ARRDC4: variants seen among roughly 807,000 people sequenced by gnomAD.
ARRDC4 encodes the protein arrestin domain containing 4.
A neutral mutation model predicts 44.6 loss-of-function variants in ARRDC4; 40 were observed. That is an observed-to-expected ratio of 0.90 (90% confidence interval 0.70 to 1.17). ARRDC4 has a LOEUF of 1.17. Among genes scored for constraint, ARRDC4 ranks in the 50% most tolerant of loss-of-function variants. The pLI is 0.00. For missense variants in ARRDC4, 550 were observed against 559.1 expected, an observed-to-expected ratio of 0.98 and a Z score of 0.16; for synonymous variants, 211 against 221.2, an observed-to-expected ratio of 0.95 and a Z score of 0.41.
chr15:97,963,962 G>C (rs535023544), intron 1 of ARRDC4, among the ~76,000 whole-genome samples: 1 of 152,054 alleles, frequency 6.6e-6, no homozygotes, highest in Non-Finnish European at 1.5e-5. Context: ...CTGAGCACAC[G>C]TCAGCCACTG....
rs779942864 is a variant in ARRDC4, at chr15:97,970,777, G to A, written c.1200+34G>A. On this transcript the variant is annotated intron_variant, in intron 7 of 7. Transcript: ENST00000268042. This position sits in a 1 kb window ranked among gnomAD's most constrained non-coding sequence, Gnocchi z 4.2. ...AGCAAAAGAAAATTAGACTTTTACT[G>A]TATTATTTTCAAATAATCATTTTTT... 9.4e-6 allele frequency: 15 copies of A among 1,587,816 alleles called. No individual in the cohort carries two copies. Among genetic ancestry groups the A allele is most frequent in the Non-Finnish European group, 1.2e-5 (14 of 1,163,414 alleles).
rs747483643 is a variant in ARRDC4 at position 97,965,752 on chromosome 15, C to G, written c.374+86C>G. 84 of 1,487,610 alleles carry G rather than the reference C, an allele frequency of 5.6e-5. No homozygotes were observed. The highest frequency in any genetic ancestry group is 5.6e-5 in the Non-Finnish European group (60 of 1,066,504). 92.2% of individuals were successfully genotyped at this position (1,487,610 alleles called of 1,614,324 possible). ...TCACTGCTAGGTCTCTTCTGATTCT[C>G]AAGTATGCATGTTTACACTGAATAG... On this transcript the variant is annotated intron_variant, in intron 2 of 7. Coordinates refer to ENST00000268042, the MANE Select transcript of ARRDC4 (RefSeq NM_183376.3). This position sits in a 1 kb window ranked among gnomAD's most constrained non-coding sequence, Gnocchi z 5.1.
At chr15:97,969,071 G>T in intron 4 of ARRDC4, 52 bp from the exon 5 acceptor site, 1 of 1,585,948 alleles carries the variant, frequency 6.3e-7, no homozygotes, top group South Asian at 1.1e-5. Flanking sequence ...CCATTGTGGT[G>T]AGAACTTTTT....
At position 97,965,416 on chromosome 15, in the gene ARRDC4, AAC is replaced by A. The variant is rs1899398109; in HGVS notation, c.308-180_308-179del. Among the ~76,000 whole-genome samples, 1 of 150,890 alleles carries A rather than the reference AAC, an allele frequency of 6.6e-6. No homozygotes were observed. Among genetic ancestry groups the A allele is most frequent in the South Asian group, 2.1e-4 (1 of 4,770 alleles). On this transcript the variant is annotated intron_variant, in intron 1 of 7. Coordinates refer to ENST00000268042, the MANE Select transcript of ARRDC4 (RefSeq NM_183376.3). The surrounding 1 kb of genome is among the most constrained non-coding windows in gnomAD (Gnocchi z 5.1). ...CAATAGAGCGAGACCCTGTCTCTAA[AAC>A]ACATAGACACACGCACACACACCCC...
chr15:97,969,203 C>T lies in ARRDC4; in HGVS notation c.706C>T (p.Gln236Ter). 6.2e-7 allele frequency: 1 copy of T among 1,613,860 alleles called. No individual in the cohort carries two copies. The highest frequency in any genetic ancestry group is 8.5e-7 in the Non-Finnish European group (1 of 1,179,878). Reference protein sequence around the residue: ...IVPKAAIFQTQTYLASGKTKT... With the variant: ...IVPKAAIFQT The stretch of plus-strand genomic sequence containing the variant: ...TCCAAAGGCTGCTATTTTCCAAACG[C>T]AGACATATTTGGCTAGTGGAAAAAC... The change falls in exon 5 of 8, where the codon CAG (glutamine) becomes TAG (stop). Residue 236 changes from glutamine to a stop codon, truncating the protein, a stop_gained. Transcript: ENST00000268042. LOFTEE classifies it high-confidence loss of function.
At position 97,966,062 on chromosome 15, in the gene ARRDC4, C is replaced by T. The variant is rs1247122387; in HGVS notation, c.522+20C>T. The T allele has an allele frequency of 1.9e-6, 3 of 1,612,384 alleles. No homozygotes were observed. The highest frequency in any genetic ancestry group is 2.5e-6 in the Non-Finnish European group (3 of 1,178,814). ...TTATTAGTAAGTTCTTCCTTTTTCT[C>T]TTCCTCCTCCTTTTCCTCCTTCCCT... On this transcript the variant is annotated intron_variant, in intron 3 of 7. Transcript: ENST00000268042. This position sits in a 1 kb window ranked among gnomAD's most constrained non-coding sequence, Gnocchi z 4.7.
chr15:97,960,820 G>A lies in ARRDC4; in HGVS notation c.-42G>A, dbSNP rs1408300752. On this transcript the variant is annotated 5_prime_UTR_variant, in exon 1 of 8. Coordinates refer to ENST00000268042, the MANE Select transcript of ARRDC4 (RefSeq NM_183376.3). ...GCTGTGCTCGCGACCCCGGCTCCGG[G>A]CCTCTGCCGACCTCAGGGGCAGGAA... The A allele has an allele frequency of 3.2e-6, 4 of 1,269,410 alleles. No individual in the cohort carries two copies. Among genetic ancestry groups the A allele is most frequent in the Admixed American group, 4.1e-5 (1 of 24,360 alleles). The allele number at this position is 1,269,410 out of a possible 1,614,324, so 78.6% of individuals were successfully genotyped here.
In ARRDC4 at chr15:97,970,155, G is replaced by T; in HGVS notation, c.1045+110G>T. 4 of 1,156,046 alleles carry T rather than the reference G, an allele frequency of 3.5e-6. No individual in the cohort carries two copies. Among genetic ancestry groups the T allele is most frequent in the Non-Finnish European group, 4.7e-6 (4 of 857,648 alleles). 71.6% of individuals were successfully genotyped at this position (1,156,046 alleles called of 1,614,324 possible). On this transcript the variant is annotated intron_variant, in intron 6 of 7. Coordinates refer to ENST00000268042, the MANE Select transcript of ARRDC4 (RefSeq NM_183376.3). This position sits in a 1 kb window ranked among gnomAD's most constrained non-coding sequence, Gnocchi z 4.2. ...ATGTTGATGAGTACTGCTACTATAG[G>T]TATCTTTATTCCTACTACTAAAAAA...
In ARRDC4 at chr15:97,969,109, T is replaced by C. The variant is rs765086377; in HGVS notation, c.626-14T>C. ...AGAGTCTCTGAATCCTCCCTGGTTT[T>C]GTTTTCTTTTTAGGAGAAGCTATTC... On this transcript the variant is annotated splice_polypyrimidine_tract_variant and intron_variant, in intron 4 of 7. Transcript: ENST00000268042. 1.9e-6 allele frequency: 3 copies of C among 1,608,616 alleles called. No homozygotes were observed. Among genetic ancestry groups the C allele is most frequent in the Non-Finnish European group, 2.6e-6 (3 of 1,175,892 alleles).
rs1465211667 is a variant in ARRDC4 at position 97,965,713 on chromosome 15, T to C, written c.374+47T>C. 1 of 1,557,932 alleles carries C rather than the reference T, an allele frequency of 6.4e-7. No individual in the cohort carries two copies. Among genetic ancestry groups the C allele is most frequent in the Non-Finnish European group, 8.9e-7 (1 of 1,129,042 alleles). ...TGTGGTTATCCTTCTCTGCAGTATG[T>C]CCATTCAAGTTTATCACTGCTAGGT... On this transcript the variant is annotated intron_variant, in intron 2 of 7. Coordinates refer to ENST00000268042, the MANE Select transcript of ARRDC4 (RefSeq NM_183376.3). This position sits in a 1 kb window ranked among gnomAD's most constrained non-coding sequence, Gnocchi z 5.1.
At position 97,965,625 on chromosome 15, in the gene ARRDC4, T is replaced by A. The variant is rs770898973; in HGVS notation, c.333T>A (p.Pro111=). 2.5e-5 allele frequency: 40 copies of A among 1,613,176 alleles called. 2 individuals are homozygous for A. In the South Asian group the frequency reaches 4.4e-4, roughly 18 times the overall value. Residue 111 remains proline (P), a synonymous_variant, in exon 2 of 8, where the codon CCT becomes CCA. Coordinates refer to ENST00000268042, the MANE Select transcript of ARRDC4 (RefSeq NM_183376.3). This position sits in a 1 kb window ranked among gnomAD's most constrained non-coding sequence, Gnocchi z 5.1. ...PAGEGIILLQ[P]GKHEFPFRFQ... is the part of the protein sequence containing the mutation. ...GTGAAGGCATCATTTTATTACAGCC[T>A]GGAAAACATGAATTTCCATTTCGCT...
chr15:97,961,924 T>C (rs1200379816), intron 1 of ARRDC4, among the ~76,000 whole-genome samples: 1 of 152,294 alleles, frequency 6.6e-6, no homozygotes, highest in East Asian at 1.9e-4. Context: ...CAGTTCACAG[T>C]GTAGACTTTT....
rs778751326 is a variant in ARRDC4 at position 97,971,152 on chromosome 15, G to A, written c.1222G>A (p.Val408Ile). ...GCAGGTTGACCCACATCCTAGCGACGTAGAAGAGAGCCAGCCTGTTTCCTT... is the reference window on the plus strand; with the variant it reads ...GCAGGTTGACCCACATCCTAGCGACATAGAAGAGAGCCAGCCTGTTTCCTT... ...YSEVDPHPSD[V>I]EESQPVSFIL The change falls in exon 8 of 8, where the codon GTA (valine) becomes ATA (isoleucine). Residue 408 changes from valine to isoleucine, a missense_variant. Physicochemically the swap from Val to Ile is conservative, Grantham distance 29. Transcript: ENST00000268042. 10 of 1,613,352 alleles carry A rather than the reference G, an allele frequency of 6.2e-6. No homozygotes were observed. Among genetic ancestry groups the A allele is most frequent in the East Asian group, 4.5e-5 (2 of 44,866 alleles).
intron 1 of ARRDC4, among the ~76,000 whole-genome samples, chr15:97,963,527 T>C (rs1899361036): frequency 6.6e-6 from 1 of 152,182 alleles, no homozygotes; most frequent in South Asian, 2.1e-4. Flanking sequence ...GGCAACTGTG[T>C]TCCCCACAAA....
In ARRDC4 at chr15:97,965,691, G is replaced by T; in HGVS notation, c.374+25G>T. The T allele has an allele frequency of 6.2e-7, 1 of 1,601,608 alleles. No individual in the cohort carries two copies. On this transcript the variant is annotated intron_variant, in intron 2 of 7. Coordinates refer to ENST00000268042, the MANE Select transcript of ARRDC4 (RefSeq NM_183376.3). The surrounding 1 kb of genome is among the most constrained non-coding windows in gnomAD (Gnocchi z 5.1). ...AGTAAGTGAAACACTACAATTTTGT[G>T]GTTATCCTTCTCTGCAGTATGTCCA...
In ARRDC4 at chr15:97,967,622, AT is replaced by A. The variant is rs1899440232; in HGVS notation, c.523-387del. ...AAATATAATGTTCTGATTATTTTTT[AT>A]TTTTATATCATTTATCCTTCCACCT... is the stretch of plus-strand genomic sequence containing the variant. On this transcript the variant is annotated intron_variant, in intron 3 of 7. Transcript: ENST00000268042. The surrounding 1 kb of genome is among the most constrained non-coding windows in gnomAD (Gnocchi z 5.0). 6.6e-6 allele frequency among the ~76,000 whole-genome samples: 1 copy of A among 152,076 alleles called. No homozygotes were observed. Among genetic ancestry groups the A allele is most frequent in the South Asian group, 2.1e-4 (1 of 4,826 alleles).
rs991504476 is a variant in ARRDC4 at position 97,966,728 on chromosome 15, T to C, written c.522+686T>C. ...GATTCTTTTATCTAAACCCATATTA[T>C]CAAAATAATATAAAATTATACCTTG... On this transcript the variant is annotated intron_variant, in intron 3 of 7. Coordinates refer to ENST00000268042, the MANE Select transcript of ARRDC4 (RefSeq NM_183376.3). The surrounding 1 kb of genome is among the most constrained non-coding windows in gnomAD (Gnocchi z 4.7). Among the ~76,000 whole-genome samples, 1 of 152,196 alleles carries C rather than the reference T, an allele frequency of 6.6e-6. No homozygotes were observed. Among genetic ancestry groups the C allele is most frequent in the African/African-American group, 2.4e-5 (1 of 41,452 alleles).
chr15:97,961,584 C>CT (rs1567192574), intron 1 of ARRDC4, among the ~76,000 whole-genome samples: 35 of 152,328 alleles, frequency 2.3e-4, no homozygotes, highest in African/African-American at 8.4e-4. Context: ...CCCTATCCTG[C>CT]ATACGTTCTT....
At position 97,960,969 on chromosome 15, in the gene ARRDC4, G is replaced by T; in HGVS notation, c.108G>T (p.Glu36Asp). Residue 36 changes from glutamate (E) to aspartate (D), a missense_variant, in exon 1 of 8, where the codon GAG becomes GAT. Glu to Asp is a conservative substitution (Grantham distance 45). Coordinates refer to ENST00000268042, the MANE Select transcript of ARRDC4 (RefSeq NM_183376.3). ...GCAAGGGCTGCTATTCCAGCGGCGA[G>T]ACAGTGGCCGGGCACGTGCTGCTGG... ...DERKGCYSSG[E>D]TVAGHVLLEA... 1 of 1,466,256 alleles carries T rather than the reference G, an allele frequency of 6.8e-7. No individual in the cohort carries two copies. Among genetic ancestry groups the T allele is most frequent in the Non-Finnish European group, 9.0e-7 (1 of 1,107,840 alleles). 90.8% of individuals were successfully genotyped at this position (1,466,256 alleles called of 1,614,324 possible).
Sources: allele counts gnomAD v4.1 joint callset (sites outside exome capture counted in the v4.1 genomes callset), GRCh38; gene constraint gnomAD v4.1.1; non-coding constraint Gnocchi (gnomAD v3.1); transcripts MANE v1.5; gene names NCBI Gene and HGNC (gene_info 2026-07-23, HGNC 2026-07-21).